Variants in RFX3 observed in about 807,000 individuals in gnomAD.
RFX3 encodes regulatory factor X3, also known as transcription factor RFX3.
Under a neutral mutation model 98.6 loss-of-function variants are expected in RFX3, and 14 were observed. The observed-to-expected ratio is 0.14, with a 90% CI of 0.09 to 0.22. The LOEUF (loss-of-function observed/expected upper bound fraction) is 0.22, where lower values mean the gene tolerates loss of function less well. Among genes scored for constraint, RFX3 ranks in the 10% least tolerant of loss-of-function variants. The pLI, the probability that RFX3 is intolerant of heterozygous loss-of-function variation, is 1.00. For synonymous variants in RFX3, 383 were observed against 328.4 expected, an observed-to-expected ratio of 1.17 and a Z score of -1.80; for missense variants, 639 against 926.9, an observed-to-expected ratio of 0.69 and a Z score of 4.03.
chr9:3,291,881 A>G (rs1827403669), intron 6 of RFX3, among the ~76,000 whole-genome samples: 1 of 151,866 alleles, frequency 6.6e-6, no homozygotes, highest in East Asian at 1.9e-4. Context: ...ACATGGTGAA[A>G]CCCCATCTCT....
At chr9:3,442,601 C>G (rs1845699535) in intron 1 of RFX3, among the ~76,000 whole-genome samples, 1 of 152,032 alleles carries the variant, frequency 6.6e-6, no homozygotes, top group African/African-American at 2.4e-5. Context: ...GTAATATACC[C>G]CCTGGTTGCC....
intron 2 of RFX3, among the ~76,000 whole-genome samples, chr9:3,389,623 T>G (rs1487934672): frequency 1.3e-5 from 2 of 152,090 alleles, no homozygotes; most frequent in Non-Finnish European, 2.9e-5. Context: ...ACTTTTTGAG[T>G]GCCAGTATGA....
chr9:3,249,004 T>C (rs1033550928), intron 14 of RFX3, among the ~76,000 whole-genome samples: 2 of 152,128 alleles, frequency 1.3e-5, no homozygotes, highest in Non-Finnish European at 2.9e-5. Context: ...AATCTTAAAA[T>C]AGTCATAATT....
intron 1 of RFX3, among the ~76,000 whole-genome samples, chr9:3,423,631 G>C (rs2132390788): frequency 6.6e-6 from 1 of 151,846 alleles, no homozygotes; most frequent in African/African-American, 2.4e-5. Flanking sequence ...TGTTTGCCTG[G>C]GGCTGGGGAT....
intron 1 of RFX3, among the ~76,000 whole-genome samples, chr9:3,426,661 C>G (rs1317750871): frequency 6.6e-6 from 1 of 152,156 alleles, no homozygotes; most frequent in African/African-American, 2.4e-5. Flanking sequence ...AATGCAAACC[C>G]TGTTGTGAAC....
At chr9:3,259,477 C>A (rs1822577324) in intron 13 of RFX3, among the ~76,000 whole-genome samples, 1 of 148,392 alleles carries the variant, frequency 6.7e-6, no homozygotes, top group African/African-American at 2.5e-5. Flanking sequence ...ATTAAAAAAG[C>A]TAAGGACACT....
At chr9:3,287,718 A>G (rs763310495) in intron 7 of RFX3, among the ~76,000 whole-genome samples, 7 of 152,004 alleles carry the variant, frequency 4.6e-5, no homozygotes, top group Non-Finnish European at 7.4e-5. Context: ...TTGGATTCAA[A>G]GCAAATGTAA....
chr9:3,424,374 TTTTTTG>T (rs1843769113), intron 1 of RFX3, among the ~76,000 whole-genome samples: 1 of 119,434 alleles, frequency 8.4e-6, no homozygotes, highest in African/African-American at 3.1e-5. Context: ...TTTTTTTTTT[TTTTTTG>T]AGACGGAGTC....
chr9:3,345,104 G>C (rs928221229), intron 3 of RFX3, among the ~76,000 whole-genome samples: 2 of 152,150 alleles, frequency 1.3e-5, no homozygotes, highest in African/African-American at 4.8e-5. Flanking sequence ...GTAAAAGTCA[G>C]GGGATAATGT....
intron 1 of RFX3, among the ~76,000 whole-genome samples, chr9:3,509,673 G>A (rs187542121): frequency 2.6e-5 from 4 of 151,882 alleles, no homozygotes; most frequent in Admixed American, 2.6e-4. Flanking sequence ...AGAACATTAA[G>A]GTATTTATGC....
At chr9:3,337,416 G>T (rs996233643) in intron 3 of RFX3, among the ~76,000 whole-genome samples, 1 of 152,202 alleles carries the variant, frequency 6.6e-6, no homozygotes, top group Non-Finnish European at 1.5e-5. Context: ...ATATTTTTAA[G>T]CCAGGTACTG....
chr9:3,463,817 A>T (rs949045779), intron 1 of RFX3, among the ~76,000 whole-genome samples: 1 of 151,184 alleles, frequency 6.6e-6, no homozygotes, highest in African/African-American at 2.5e-5. Context: ...ACAAAAAGTT[A>T]AAAAAAATTA....
chr9:3,402,921 A>C (rs546155126), intron 1 of RFX3, among the ~76,000 whole-genome samples: 1 of 152,070 alleles, frequency 6.6e-6, no homozygotes, highest in South Asian at 2.1e-4. Context: ...AACAACAACA[A>C]AAAAACACCT....
intron 1 of RFX3, among the ~76,000 whole-genome samples, chr9:3,525,503 G>A (rs1266503388): frequency 6.6e-6 from 1 of 151,812 alleles, no homozygotes; most frequent in African/African-American, 2.4e-5. Context: ...GCGCAGGGCC[G>A]GGGCCGGCGG....
chr9:3,302,996 T>C (rs995583989), intron 4 of RFX3, among the ~76,000 whole-genome samples: 4 of 151,788 alleles, frequency 2.6e-5, no homozygotes, highest in African/African-American at 9.7e-5. Flanking sequence ...AAAATAGATA[T>C]TAAATTAATT....
chr9:3,524,748 C>T (rs1819051553), intron 1 of RFX3: 1 of 302,230 alleles, frequency 3.3e-6, no homozygotes, highest in Non-Finnish European at 4.9e-6. Context: ...CCCCTCCCAC[C>T]TCCACATGAA....
chr9:3,409,657 TG>T (rs1242350352), intron 1 of RFX3, among the ~76,000 whole-genome samples: 3 of 152,196 alleles, frequency 2.0e-5, no homozygotes, highest in Non-Finnish European at 4.4e-5. Context: ...TTTAACAAAA[TG>T]GCCATTCAGC....
At chr9:3,298,731 G>A (rs10971195) in intron 5 of RFX3, among the ~76,000 whole-genome samples, 164 of 151,956 alleles carry the variant, frequency 1.1e-3, no homozygotes, top group African/African-American at 3.8e-3. Context: ...GTGGAAAGGT[G>A]TAAAGCAAAG....
chr9:3,239,043 G>T (rs946885976), intron 15 of RFX3, among the ~76,000 whole-genome samples: 1 of 151,746 alleles, frequency 6.6e-6, no homozygotes, highest in African/African-American at 2.4e-5. Flanking sequence ...TTCAAAAAAG[G>T]TAGGTAATGG....
Sources: gnomAD v4.1 joint callset for allele counts (sites outside exome capture counted in the v4.1 genomes callset) on GRCh38, gnomAD v4.1.1 for gene constraint, MANE v1.5 for transcripts, NCBI Gene and HGNC (gene_info 2026-07-23, HGNC 2026-07-21) for gene names.